The following CDK14 variants were observed in gnomAD, a reference collection of about 807,000 sequenced individuals.
The protein encoded by CDK14 is cyclin dependent kinase 14, also known as cyclin-dependent kinase 14.
Under a neutral mutation model 60.7 loss-of-function variants are expected in CDK14, and 34 were observed. That is an observed-to-expected ratio of 0.56 (90% CI 0.43 to 0.75). The LOEUF (loss-of-function observed/expected upper bound fraction) is 0.75. Among genes scored for constraint, CDK14 ranks in the 30% least tolerant of loss-of-function variants. The probability of loss-of-function intolerance (pLI) is 0.00; values close to 1 mark genes in which losing one functional copy is unlikely to be tolerated. For synonymous variants in CDK14, 197 were observed against 203.7 expected (o/e 0.97, Z 0.28); for missense variants, 482 against 564.1 (o/e 0.85, Z 1.47).
chr7:91,050,089 A>G (rs1184498785), intron 11 of CDK14, among the ~76,000 whole-genome samples: 3 of 152,202 alleles, frequency 2.0e-5, no homozygotes, highest in Admixed American at 2.0e-4. Flanking sequence ...AATGCCCTGA[A>G]TGGGGAGGAG....
rs1802205973 is a variant in CDK14 at position 91,186,806 on chromosome 7, A to G, written c.*29-20359A>G. 1.3e-5 allele frequency among the ~76,000 whole-genome samples: 2 copies of G among 152,192 alleles called. 1 individual carries two copies. Among genetic ancestry groups the G allele is most frequent in the South Asian group, 4.1e-4 (2 of 4,828 alleles). On this transcript the variant is annotated intron_variant, in intron 14 of 14. Coordinates refer to ENST00000380050, the MANE Select transcript of CDK14 (RefSeq NM_001287135.2). The stretch of plus-strand genomic sequence containing the variant: ...AGGAAAAAGCCTGAACTTAACATCA[A>G]GTACTGGGCTGTTGCCGACCCTATA...
chr7:91,109,448 A>G (rs1799412305), intron 12 of CDK14, among the ~76,000 whole-genome samples: 1 of 152,130 alleles, frequency 6.6e-6, no homozygotes, highest in South Asian at 2.1e-4. Flanking sequence ...GGAATTACCA[A>G]TTACATGGAA....
chr7:91,039,466 T>G (rs1797025835), intron 10 of CDK14, among the ~76,000 whole-genome samples: 1 of 152,190 alleles, frequency 6.6e-6, no homozygotes, highest in Non-Finnish European at 1.5e-5. Flanking sequence ...GGATGGCCAG[T>G]GAAAAACGTG....
Position 90,597,775 on chromosome 7 carries a change from T to G in CDK14, c.91+1057T>G, listed in dbSNP as rs144536218. Reference sequence around the variant, plus strand: ...TACAGATATCCTTCCACCCATTCATTGTAAGATATGCAAACTTTCTTCAAG... The same window carrying G: ...TACAGATATCCTTCCACCCATTCATGGTAAGATATGCAAACTTTCTTCAAG... On this transcript the variant is annotated intron_variant, in intron 1 of 14. Coordinates refer to ENST00000380050, the MANE Select transcript of CDK14 (RefSeq NM_001287135.2). 5.0e-4 allele frequency among the ~76,000 whole-genome samples: 76 copies of G among 152,146 alleles called. 1 individual carries two copies. In the East Asian group the frequency reaches 0.014, roughly 27 times the overall value.
intron 10 of CDK14, among the ~76,000 whole-genome samples, chr7:91,004,164 AAG>A (rs1359725772): frequency 6.6e-6 from 1 of 152,236 alleles, no homozygotes; most frequent in Non-Finnish European, 1.5e-5. Flanking sequence ...AATATGAAAG[AAG>A]AGATATATGA....
intron 2 of CDK14, among the ~76,000 whole-genome samples, chr7:90,663,101 CACACACACACA>C (rs148243255): frequency 0.28 from 41,420 of 146,028 alleles, 6,027 homozygotes; most frequent in Non-Finnish European, 0.35. Context: ...TGGGAACACA[CACACACACACA>C]CACACACACA....
intron 6 of CDK14, among the ~76,000 whole-genome samples, chr7:90,891,617 G>A (rs993099120): frequency 6.6e-6 from 1 of 152,212 alleles, no homozygotes; most frequent in Non-Finnish European, 1.5e-5. Context: ...TAAGGATATA[G>A]AGTCTGTGTT....
At chr7:91,062,348 C>T (rs945905103) in intron 11 of CDK14, among the ~76,000 whole-genome samples, 61 of 152,298 alleles carry the variant, frequency 4.0e-4, no homozygotes, top group African/African-American at 1.3e-3. Flanking sequence ...TTGCACTTCC[C>T]GGGTGAGGTG....
intron 5 of CDK14, among the ~76,000 whole-genome samples, chr7:90,847,338 C>T (rs940663074): frequency 6.6e-6 from 1 of 151,862 alleles, no homozygotes; most frequent in African/African-American, 2.4e-5. Flanking sequence ...TAAATAAGTA[C>T]CTGCCTTAGA....
intron 2 of CDK14, chr7:90,709,767 G>A: frequency 7.1e-7 from 1 of 1,411,322 alleles, no homozygotes; most frequent in Non-Finnish European, 9.2e-7. Context: ...GGGGATTTCT[G>A]GGCTTTTTTT....
chr7:91,140,704 G>A (rs549338820), intron 14 of CDK14, among the ~76,000 whole-genome samples: 83 of 152,286 alleles, frequency 5.5e-4, no homozygotes, highest in South Asian at 1.5e-3. Context: ...TAAATCAGGA[G>A]TAGGAATGGT....
intron 9 of CDK14, among the ~76,000 whole-genome samples, chr7:90,980,794 A>G (rs183579801): frequency 6.6e-5 from 10 of 152,320 alleles, no homozygotes; most frequent in Admixed American, 6.5e-4. Flanking sequence ...ATAAGAGCTT[A>G]TAAAAATGCT....
chr7:91,152,019 T>G (rs43024), intron 14 of CDK14, among the ~76,000 whole-genome samples: 53,408 of 152,150 alleles, frequency 0.35, 11,302 homozygotes, highest in Non-Finnish European at 0.49. Flanking sequence ...TATGGTGTTC[T>G]TAAATGCTAC....
chr7:90,685,434 A>G (rs4728926), intron 2 of CDK14, among the ~76,000 whole-genome samples: 60,398 of 151,774 alleles, frequency 0.4, 12,587 homozygotes, highest in East Asian at 0.67. Flanking sequence ...AATTTAAAAC[A>G]TTTTCTATTG....
intron 9 of CDK14, among the ~76,000 whole-genome samples, chr7:90,957,059 A>G (rs1408895151): frequency 2.0e-5 from 3 of 149,770 alleles, no homozygotes; most frequent in Admixed American, 6.7e-5. Flanking sequence ...ATTGTGAATA[A>G]TGCCGCAATA....
intron 5 of CDK14, among the ~76,000 whole-genome samples, chr7:90,824,409 A>G (rs989604416): frequency 1.3e-5 from 2 of 152,172 alleles, no homozygotes; most frequent in African/African-American, 2.4e-5. Flanking sequence ...AAGAGTGAAC[A>G]TGGTGTTTGT....
chr7:90,640,060 C>G (rs968948742), intron 2 of CDK14, among the ~76,000 whole-genome samples: 3 of 152,160 alleles, frequency 2.0e-5, no homozygotes, highest in African/African-American at 7.2e-5. Context: ...CTCCCTGACC[C>G]CTTGTGCTTC....
intron 2 of CDK14, among the ~76,000 whole-genome samples, chr7:90,616,100 A>C (rs1799644516): frequency 1.3e-5 from 2 of 152,158 alleles, no homozygotes; most frequent in South Asian, 4.1e-4. Flanking sequence ...GATTCAGAAA[A>C]TATAGTCTTC....
chr7:91,019,019 T>C (rs1224840133), intron 10 of CDK14, among the ~76,000 whole-genome samples: 1 of 152,212 alleles, frequency 6.6e-6, no homozygotes, highest in African/African-American at 2.4e-5. Context: ...GGTTTTAGCC[T>C]GTGAATTCTG....
Sources: gnomAD v4.1 joint callset for allele counts (sites outside exome capture counted in the v4.1 genomes callset) on GRCh38, gnomAD v4.1.1 for gene constraint, MANE v1.5 for transcripts, NCBI Gene and HGNC (gene_info 2026-07-23, HGNC 2026-07-21) for gene names.